Variants in SLC24A3 observed in about 807,000 individuals in gnomAD.
SLC24A3 encodes sodium/potassium/calcium exchanger 3.
In SLC24A3, 28 loss-of-function variants were observed where a neutral mutation model predicts 75.8. That is an observed-to-expected ratio of 0.37 (90% CI 0.27 to 0.51). SLC24A3 has a LOEUF of 0.51. Among genes scored for constraint, SLC24A3 ranks in the 20% least tolerant of loss-of-function variants. SLC24A3 has a pLI of 0.94. For missense variants in SLC24A3, 663 were observed against 847.8 expected (o/e 0.78, Z 2.71); for synonymous variants, 372 against 334.1 (o/e 1.11, Z -1.24).
At chr20:19,397,719 G>A (rs968779979) in intron 2 of SLC24A3, among the ~76,000 whole-genome samples, 1 of 146,618 alleles carries the variant, frequency 6.8e-6, no homozygotes, top group East Asian at 2.0e-4. Flanking sequence ...TAAAGTTTGA[G>A]GCTGTTAAAA....
intron 1 of SLC24A3, among the ~76,000 whole-genome samples, chr20:19,263,563 G>T (rs936588287): frequency 6.6e-6 from 1 of 152,184 alleles, no homozygotes; most frequent in Admixed American, 6.5e-5. Context: ...TTTCTCAGGC[G>T]CAGGTGGTGG....
At chr20:19,649,933 A>C (rs1393266872) in intron 6 of SLC24A3, among the ~76,000 whole-genome samples, 1 of 152,270 alleles carries the variant, frequency 6.6e-6, no homozygotes, top group Non-Finnish European at 1.5e-5. Flanking sequence ...GCAAGGATAC[A>C]GAACCCTTCT....
chr20:19,396,568 G>A (rs979895018), intron 2 of SLC24A3, among the ~76,000 whole-genome samples: 1 of 152,198 alleles, frequency 6.6e-6, no homozygotes, highest in Non-Finnish European at 1.5e-5. Flanking sequence ...ATTGAATACA[G>A]CAGGTCTAGA....
intron 6 of SLC24A3, among the ~76,000 whole-genome samples, chr20:19,643,002 G>A (rs2032093966): frequency 6.6e-6 from 1 of 152,004 alleles, no homozygotes; most frequent in South Asian, 2.1e-4. Context: ...TGATTCATGA[G>A]TGTCACCTGC....
intron 2 of SLC24A3, among the ~76,000 whole-genome samples, chr20:19,484,602 C>A (rs940039454): frequency 1.3e-5 from 2 of 152,142 alleles, no homozygotes; most frequent in Admixed American, 6.5e-5. Context: ...AAGGCAAATG[C>A]TATATGAGTC....
chr20:19,303,837 G>A (rs914854541), intron 2 of SLC24A3, among the ~76,000 whole-genome samples: 1 of 152,124 alleles, frequency 6.6e-6, no homozygotes, highest in African/African-American at 2.4e-5. Context: ...CATTTTTGTG[G>A]TCACCATTAG....
At chr20:19,330,149 T>A (rs1984966607) in intron 2 of SLC24A3, among the ~76,000 whole-genome samples, 1 of 152,198 alleles carries the variant, frequency 6.6e-6, no homozygotes, top group African/African-American at 2.4e-5. Flanking sequence ...CGGAACCATC[T>A]TAGTTGCTTG....
chr20:19,599,524 G>T (rs1050419627), intron 6 of SLC24A3, among the ~76,000 whole-genome samples: 1 of 152,202 alleles, frequency 6.6e-6, no homozygotes, highest in Non-Finnish European at 1.5e-5. Flanking sequence ...TGTATGATGT[G>T]TCCCTGGGCC....
At chr20:19,708,605 G>A (rs2032954812) in intron 15 of SLC24A3, among the ~76,000 whole-genome samples, 2 of 152,190 alleles carry the variant, frequency 1.3e-5, no homozygotes, top group Middle Eastern at 3.2e-3. Flanking sequence ...ATGCCACGTT[G>A]GTAGCTTGAA....
At chr20:19,698,003 A>G (rs752631226) in intron 14 of SLC24A3, among the ~76,000 whole-genome samples, 1 of 152,238 alleles carries the variant, frequency 6.6e-6, no homozygotes, top group Non-Finnish European at 1.5e-5. Flanking sequence ...TACAAGAAGC[A>G]TGCCAGCATC....
At chr20:19,323,205 CAA>C (rs1172583632) in intron 2 of SLC24A3, among the ~76,000 whole-genome samples, 5 of 61,134 alleles carry the variant, frequency 8.2e-5, no homozygotes, top group Non-Finnish European at 7.0e-5. Flanking sequence ...GACTCCGTCT[CAA>C]AAAAAAAAAA....
intron 2 of SLC24A3, among the ~76,000 whole-genome samples, chr20:19,296,536 A>T (rs1241569013): frequency 1.3e-5 from 2 of 152,124 alleles, no homozygotes; most frequent in South Asian, 4.1e-4. Flanking sequence ...AATCAATTCA[A>T]CAAGAAGAGC....
chr20:19,572,467 TCA>T (rs983274315), intron 3 of SLC24A3, among the ~76,000 whole-genome samples: 54 of 151,944 alleles, frequency 3.6e-4, no homozygotes, highest in African/African-American at 1.2e-3. Flanking sequence ...GTTAGCCCAC[TCA>T]GGGGTACTGA....
chr20:19,485,302 T>A (rs567231230), intron 2 of SLC24A3, among the ~76,000 whole-genome samples: 1 of 152,314 alleles, frequency 6.6e-6, no homozygotes, highest in South Asian at 2.1e-4. Flanking sequence ...AGTCATTCCT[T>A]GACACCCAGT....
intron 2 of SLC24A3, among the ~76,000 whole-genome samples, chr20:19,416,023 T>A (rs1055121890): frequency 6.6e-6 from 1 of 152,206 alleles, no homozygotes; most frequent in Admixed American, 6.5e-5. Context: ...TCTGTAAGTT[T>A]GGCAGTGATA....
intron 2 of SLC24A3, among the ~76,000 whole-genome samples, chr20:19,292,240 A>G (rs1295348196): frequency 1.3e-5 from 2 of 152,166 alleles, no homozygotes; most frequent in Non-Finnish European, 2.9e-5. Context: ...CCATTTTCCA[A>G]GCACCCACTT....
rs112188859 is a variant in SLC24A3 at position 19,385,643 on chromosome 20, C to CTTT, written c.271+104568_271+104570dup. Among the ~76,000 whole-genome samples the CTTT allele has an allele frequency of 2.1e-5, 3 of 141,288 alleles. No individual in the cohort carries two copies. In the South Asian group the frequency reaches 6.7e-4, roughly 32 times the overall value. 92.7% of individuals were successfully genotyped at this position (141,288 alleles called of 152,430 possible). ...GGTTTCATATGAATTTTAAAATTGG[C>CTTT]TTTTTTTTTTTTTTCTGAGACAGGG... On this transcript the variant is annotated intron_variant, in intron 2 of 16. Transcript: ENST00000328041.
At chr20:19,458,551 C>T (rs912447113) in intron 2 of SLC24A3, among the ~76,000 whole-genome samples, 4 of 152,170 alleles carry the variant, frequency 2.6e-5, no homozygotes, top group African/African-American at 9.7e-5. Flanking sequence ...CTCCCTAGCC[C>T]CTGGCAACCA....
intron 1 of SLC24A3, chr20:19,242,451 T>G (rs1399338802): frequency 6.6e-6 from 1 of 152,344 alleles, no homozygotes; most frequent in Non-Finnish European, 1.5e-5. Flanking sequence ...AATTCTTTAC[T>G]CTTTTCCCAA....
Sources: gnomAD v4.1 joint callset for allele counts (sites outside exome capture counted in the v4.1 genomes callset) on GRCh38, gnomAD v4.1.1 for gene constraint, MANE v1.5 for transcripts, NCBI Gene and HGNC (gene_info 2026-07-23, HGNC 2026-07-21) for gene names.